Variants in ARNT2 observed in about 807,000 individuals in gnomAD.
ARNT2 encodes ARNT protein 2.
In ARNT2, 36 loss-of-function variants were observed where a neutral mutation model predicts 91.7. The ratio of observed to expected loss-of-function variants is 0.39; its 90% confidence interval spans 0.30 to 0.52. The LOEUF is 0.52. Among genes scored for constraint, ARNT2 ranks in the 20% least tolerant of loss-of-function variants. The pLI, the probability that ARNT2 is intolerant of heterozygous loss-of-function variation, is 0.72. For synonymous variants in ARNT2, 365 were observed against 347.1 expected (o/e 1.05, Z -0.57); for missense variants, 775 against 939.3 (o/e 0.83, Z 2.29).
In ARNT2 at chr15:80,490,598, G is replaced by A. The variant is rs116277233; in HGVS notation, c.622+15375G>A. ...CTGACAATGCAAAGAGCCCCTCCAT[G>A]TGGATGCAGACCCCGCCCCACAGTC... On this transcript the variant is annotated intron_variant, in intron 5 of 18. Transcript: ENST00000303329. Among the ~76,000 whole-genome samples, 1,264 of 152,336 alleles carry A rather than the reference G, an allele frequency of 8.3e-3. 16 individuals are homozygous for A. Among genetic ancestry groups the A allele is most frequent in the African/African-American group, 0.029 (1,209 of 41,586 alleles).
At chr15:80,436,894 A>G (rs1419968150) in intron 1 of ARNT2, among the ~76,000 whole-genome samples, 3 of 152,112 alleles carry the variant, frequency 2.0e-5, no homozygotes, top group Non-Finnish European at 2.9e-5. Flanking sequence ...CTTCCTGGTT[A>G]AACAGTGTTT....
At position 80,411,758 on chromosome 15, in the gene ARNT2, A is replaced by G. The variant is rs1412586965; in HGVS notation, c.31+7212A>G. Reference sequence around the variant, plus strand: ...CAGAGACTTACCTCGAGTCCTCAGCAGGTGGGTGGGTGAGGAGGTCCTACA... The same window carrying G: ...CAGAGACTTACCTCGAGTCCTCAGCGGGTGGGTGGGTGAGGAGGTCCTACA... On this transcript the variant is annotated intron_variant, in intron 1 of 18. Transcript: ENST00000303329. Among the ~76,000 whole-genome samples the G allele has an allele frequency of 2.0e-5, 3 of 152,230 alleles. No homozygotes were observed. In the South Asian group the frequency reaches 6.2e-4, roughly 32 times the overall value.
intron 8 of ARNT2, among the ~76,000 whole-genome samples, chr15:80,535,728 G>GTTTTT (rs200894550): frequency 1.0e-4 from 13 of 127,100 alleles, no homozygotes; most frequent in South Asian, 2.4e-4. Context: ...CATCACACAG[G>GTTTTT]TTTTTTTTTT....
chr15:80,478,872 T>C (rs1490266685), intron 5 of ARNT2, among the ~76,000 whole-genome samples: 2 of 152,224 alleles, frequency 1.3e-5, no homozygotes, highest in Non-Finnish European at 2.9e-5. Context: ...CCTTCAATTA[T>C]TGGACTAGAG....
intron 8 of ARNT2, 76 bp downstream of exon 8, chr15:80,514,481 T>A: frequency 7.8e-7 from 1 of 1,275,200 alleles, no homozygotes; most frequent in Non-Finnish European, 1.1e-6. Flanking sequence ...GTTAGAGAAG[T>A]ATTCTCATAG....
chr15:80,525,809 G>A (rs746380477), intron 8 of ARNT2, among the ~76,000 whole-genome samples: 4 of 152,138 alleles, frequency 2.6e-5, no homozygotes, highest in Non-Finnish European at 4.4e-5. Flanking sequence ...CTCAATGATC[G>A]GATGATGCCT....
intron 17 of ARNT2, among the ~76,000 whole-genome samples, chr15:80,589,904 TAAG>T (rs1365927742): frequency 6.6e-6 from 1 of 152,206 alleles, no homozygotes; most frequent in African/African-American, 2.4e-5. Context: ...TCTCTTATGC[TAAG>T]GAGGGGAATG....
chr15:80,546,402 T>C (rs1027997044), intron 8 of ARNT2, among the ~76,000 whole-genome samples: 44 of 152,214 alleles, frequency 2.9e-4, no homozygotes, highest in African/African-American at 1.1e-3. Flanking sequence ...CACCTCTAAC[T>C]CTAATGGAGC....
chr15:80,524,161 T>A (rs1897596765), intron 8 of ARNT2, among the ~76,000 whole-genome samples: 1 of 152,150 alleles, frequency 6.6e-6, no homozygotes. Context: ...TGGAAAAAGT[T>A]AGCCTCACTA....
intron 1 of ARNT2, among the ~76,000 whole-genome samples, chr15:80,406,265 T>A (rs540061819): frequency 1.8e-4 from 28 of 152,226 alleles, no homozygotes; most frequent in African/African-American, 6.3e-4. Flanking sequence ...TCAGCAGAAA[T>A]AGGGACTCTT....
chr15:80,451,146 CAT>C (rs1311347432), intron 2 of ARNT2, 152 bp downstream of exon 2: 3 of 787,518 alleles, frequency 3.8e-6, no homozygotes, highest in Admixed American at 2.9e-5. Flanking sequence ...TAAATATGCA[CAT>C]GATTTGCTTC....
intron 5 of ARNT2, among the ~76,000 whole-genome samples, chr15:80,498,820 A>T (rs1392815076): frequency 2.0e-5 from 3 of 152,128 alleles, no homozygotes. Context: ...CAGATGGCTG[A>T]CCTCCTGCCC....
At chr15:80,589,859 A>G (rs764153221) in intron 17 of ARNT2, among the ~76,000 whole-genome samples, 12 of 152,198 alleles carry the variant, frequency 7.9e-5, no homozygotes, top group Non-Finnish European at 5.9e-5. Flanking sequence ...TGAATTTTTT[A>G]TAGCAGAATC....
At chr15:80,421,853 A>G (rs1008010350) in intron 1 of ARNT2, among the ~76,000 whole-genome samples, 4 of 152,206 alleles carry the variant, frequency 2.6e-5, no homozygotes, top group African/African-American at 9.7e-5. Flanking sequence ...TTCAGGGTCC[A>G]GTTGAAGGCA....
At chr15:80,425,873 C>A (rs1285883642) in intron 1 of ARNT2, among the ~76,000 whole-genome samples, 1 of 152,138 alleles carries the variant, frequency 6.6e-6, no homozygotes, top group East Asian at 1.9e-4. Context: ...CATAGTGAGA[C>A]CTTGTCTGTG....
chr15:80,579,640 C>G (rs1421457017), intron 15 of ARNT2, among the ~76,000 whole-genome samples: 1 of 152,156 alleles, frequency 6.6e-6, no homozygotes, highest in African/African-American at 2.4e-5. Context: ...GAGGAGGGGC[C>G]TGAAACAAAG....
Position 80,581,011 on chromosome 15 carries a change from G to A in ARNT2, c.1753-228G>A, listed in dbSNP as rs150093860. On this transcript the variant is annotated intron_variant, in intron 16 of 18. Transcript: ENST00000303329. ...CAGACTCCAGAGGGCCCGGATCCTC[G>A]TAGCCCTGGGGAGTAACTTCAACCA... 831 of 579,922 alleles carry A rather than the reference G, an allele frequency of 1.4e-3. 1 individual carries two copies. The highest frequency in any genetic ancestry group is 1.9e-3 in the Non-Finnish European group (619 of 330,462). 35.9% of individuals were successfully genotyped at this position (579,922 alleles called of 1,614,324 possible). A position where few individuals can be genotyped will look rare whatever the true frequency, so the allele number is the denominator to read the frequency against.
At chr15:80,526,205 T>G (rs1302683777) in intron 8 of ARNT2, among the ~76,000 whole-genome samples, 1 of 152,244 alleles carries the variant, frequency 6.6e-6, no homozygotes, top group Non-Finnish European at 1.5e-5. Context: ...AGGTTTCATT[T>G]AAAACATTTG....
At chr15:80,445,041 GT>G (rs1284341170) in intron 1 of ARNT2, 1 of 149,592 alleles carries the variant, frequency 6.7e-6, no homozygotes, top group Non-Finnish European at 1.5e-5. Flanking sequence ...TGGCATGTAT[GT>G]GAGGGTGTGT....
Sources: gnomAD v4.1 joint callset for allele counts (sites outside exome capture counted in the v4.1 genomes callset) on GRCh38, gnomAD v4.1.1 for gene constraint, MANE v1.5 for transcripts, NCBI Gene and HGNC (gene_info 2026-07-23, HGNC 2026-07-21) for gene names.